TMEM39B: variants seen among roughly 807,000 people sequenced by gnomAD.
TMEM39B encodes transmembrane protein 39B.
A neutral mutation model predicts 52.2 loss-of-function variants in TMEM39B; 23 were observed. That is an observed-to-expected ratio of 0.44 (90% CI 0.32 to 0.62). The LOEUF (loss-of-function observed/expected upper bound fraction) is 0.62. Among genes scored for constraint, TMEM39B ranks in the 20% least tolerant of loss-of-function variants. TMEM39B has a pLI of 0.06. For synonymous variants in TMEM39B, 285 were observed against 264.0 expected, an observed-to-expected ratio of 1.08 and a Z score of -0.77; for missense variants, 547 against 642.0, an observed-to-expected ratio of 0.85 and a Z score of 1.60.
chr1:32,097,049 C>T (rs748898002), intron 7 of TMEM39B, among the ~76,000 whole-genome samples: 35 of 152,050 alleles, frequency 2.3e-4, no homozygotes, highest in Non-Finnish European at 4.3e-4. Flanking sequence ...GAGCGATCCA[C>T]CCACCTCGAC....
Position 32,102,566 on chromosome 1 carries a change from A to C in TMEM39B, c.1372A>C (p.Ser458Arg). The change falls in exon 9 of 9, where the codon AGC (serine) becomes CGC (arginine). Residue 458 changes from serine (S) to arginine (R), a missense_variant. Transcript: ENST00000336294. ...CATCTCGCTGGCCCTCATCCTCTTCAGCAACTACTATGCCTTCTTCAAGCT... is the reference window on the plus strand; with the variant it reads ...CATCTCGCTGGCCCTCATCCTCTTCCGCAACTACTATGCCTTCTTCAAGCT... ...QTISLALILFSNYYAFFKLLR... is the reference protein window; with the variant it reads ...QTISLALILFRNYYAFFKLLR... 1 of 1,614,082 alleles carries C rather than the reference A, an allele frequency of 6.2e-7. No homozygotes were observed. The highest frequency in any genetic ancestry group is 8.5e-7 in the Non-Finnish European group (1 of 1,180,018).
chr1:32,083,481 A>G (rs1196193494), intron 5 of TMEM39B, among the ~76,000 whole-genome samples: 1 of 121,584 alleles, frequency 8.2e-6, no homozygotes, highest in Non-Finnish European at 1.6e-5. Context: ...GGAGTGGAAT[A>G]GTGCAATCTT....
intron 6 of TMEM39B, among the ~76,000 whole-genome samples, chr1:32,093,288 G>A (rs1313637378): frequency 3.3e-5 from 5 of 151,780 alleles, no homozygotes; most frequent in East Asian, 1.9e-4. Context: ...TAGTAGAGAC[G>A]GGGTTTCATC....
intron 5 of TMEM39B, among the ~76,000 whole-genome samples, chr1:32,081,369 T>A (rs567909154): frequency 1.1e-4 from 16 of 151,806 alleles, no homozygotes; most frequent in South Asian, 6.3e-4. Context: ...CCTCCCAGGC[T>A]CAAGCCGTCC....
chr1:32,075,865 C>CGTGT (rs1324202548), intron 3 of TMEM39B, 43 bp downstream of exon 3: 9 of 828,354 alleles, frequency 1.1e-5, no homozygotes, highest in East Asian at 8.9e-5. Flanking sequence ...TGTGTGTGTG[C>CGTGT]GTGTGTGTGT....
chr1:32,084,051 A>G (rs1464602618), intron 5 of TMEM39B, among the ~76,000 whole-genome samples: 3 of 151,722 alleles, frequency 2.0e-5, no homozygotes, highest in African/African-American at 7.3e-5. Flanking sequence ...TTTTTCTTAC[A>G]TTCTATCAGT....
At chr1:32,102,311 C>G (rs1190528448) in intron 8 of TMEM39B, 120 bp from the exon 9 acceptor site, 4 of 1,367,918 alleles carry the variant, frequency 2.9e-6, no homozygotes, top group Middle Eastern at 2.5e-4. Flanking sequence ...TCTTCTTCCC[C>G]ACCCATGTCT....
At position 32,098,250 on chromosome 1, in the gene TMEM39B, C is replaced by T. The variant is rs574859669; in HGVS notation, c.1116-2192C>T. Among the ~76,000 whole-genome samples, 16 of 151,984 alleles carry T rather than the reference C, an allele frequency of 1.1e-4. No individual in the cohort carries two copies. The East Asian group carries it at 2.0e-3, about 19-fold the overall frequency. On this transcript the variant is annotated intron_variant, in intron 7 of 8. Transcript: ENST00000336294. ...TCCTGACCTCAGGTGATCTGCACAC[C>T]CTCGGCCTCCCCAAAGTGCTGGAAT...
intron 5 of TMEM39B, among the ~76,000 whole-genome samples, chr1:32,084,218 C>G (rs1640240429): frequency 6.6e-6 from 1 of 152,152 alleles, no homozygotes; most frequent in Non-Finnish European, 1.5e-5. Context: ...TATCCAGCCT[C>G]TCAGTCATAC....
rs1436621866 is a variant in TMEM39B, at chr1:32,075,759, C to T, written c.288C>T (p.Tyr96=). 2 of 1,550,852 alleles carry T rather than the reference C, an allele frequency of 1.3e-6. No homozygotes were observed. Among genetic ancestry groups the T allele is most frequent in the Non-Finnish European group, 1.7e-6 (2 of 1,146,514 alleles). The part of the protein sequence containing the change: ...FCQLIALFVH[Y]INIYKTVWWY... Reference sequence around the variant, plus strand: ...AGCTCATAGCACTCTTCGTCCACTACATCAACATCTACAAGACAGTGTGGT... The same window carrying T: ...AGCTCATAGCACTCTTCGTCCACTATATCAACATCTACAAGACAGTGTGGT... The change falls in exon 3 of 9, where the codon TAC becomes TAT. Residue 96 remains tyrosine, a synonymous_variant. Transcript: ENST00000336294.
chr1:32,072,552 G>C (rs1314245984), upstream of TMEM39B: 2 of 158,610 alleles, frequency 1.3e-5, no homozygotes, highest in East Asian at 3.7e-4. Flanking sequence ...AATGACTCCT[G>C]GATTTTGACT....
At chr1:32,089,468 A>G (rs1398572754) in intron 5 of TMEM39B, among the ~76,000 whole-genome samples, 1 of 151,720 alleles carries the variant, frequency 6.6e-6, no homozygotes, top group African/African-American at 2.4e-5. Context: ...GTTTGACCCT[A>G]AAGGTTGTGC....
chr1:32,100,386 G>T, intron 7 of TMEM39B, 56 bp from the exon 8 acceptor site: 1 of 1,506,300 alleles, frequency 6.6e-7, no homozygotes, highest in Non-Finnish European at 8.9e-7. Flanking sequence ...CATTCTTCTG[G>T]TATCCCTTTT....
rs764597386 is a variant in TMEM39B, at chr1:32,100,438, C to T, written c.1116-4C>T. On this transcript the variant is annotated splice_polypyrimidine_tract_variant and splice_region_variant and intron_variant, in intron 7 of 8. Coordinates refer to ENST00000336294, the MANE Select transcript of TMEM39B (RefSeq NM_018056.4). ...TAAGGGGCACCATTGAACTGTGCCC[C>T]CAGGTGGACTGAAGAATGCATGTGG... is the stretch of plus-strand genomic sequence containing the variant. The T allele has an allele frequency of 6.3e-7, 1 of 1,584,288 alleles. No individual in the cohort carries two copies. The highest frequency in any genetic ancestry group is 8.6e-7 in the Non-Finnish European group (1 of 1,165,452).
intron 5 of TMEM39B, among the ~76,000 whole-genome samples, chr1:32,083,994 G>GACACACACACACAC (rs59029097): frequency 6.6e-6 from 1 of 150,416 alleles, no homozygotes; most frequent in African/African-American, 2.4e-5. Flanking sequence ...CAGACACACA[G>GACACACACACACAC]ACACACACAC....
chr1:32,080,244 T>C (rs937140800), intron 5 of TMEM39B, among the ~76,000 whole-genome samples: 4 of 152,150 alleles, frequency 2.6e-5, no homozygotes, highest in African/African-American at 9.7e-5. Context: ...AATGAATAAT[T>C]GCATATGTGT....
At position 32,075,804 on chromosome 1, in the gene TMEM39B, A is replaced by T. The variant is rs1225448161; in HGVS notation, c.333A>T (p.Pro111=). The change falls in exon 3 of 9, where the codon CCA becomes CCT. Residue 111 remains proline, a synonymous_variant. Coordinates refer to ENST00000336294, the MANE Select transcript of TMEM39B (RefSeq NM_018056.4). ...TGTGGTGGTATCCACCTTCCCACCC[A>T]CCCTCCCACACCTCCCTGGTAGGTA... ...KTVWWYPPSH[P]PSHTSLNFHL... The T allele has an allele frequency of 6.8e-6, 9 of 1,323,042 alleles. No homozygotes were observed. In the African/African-American group the frequency reaches 1.4e-4, roughly 21 times the overall value. 82.0% of individuals were successfully genotyped at this position (1,323,042 alleles called of 1,614,324 possible).
At chr1:32,083,807 G>A (rs1344188482) in intron 5 of TMEM39B, among the ~76,000 whole-genome samples, 2 of 152,060 alleles carry the variant, frequency 1.3e-5, no homozygotes, top group African/African-American at 2.4e-5. Flanking sequence ...AGGCAGTGGT[G>A]CAATCTCAGT....
At position 32,079,352 on chromosome 1, in the gene TMEM39B, T is replaced by C. The variant is rs181309898; in HGVS notation, c.590+2034T>C. On this transcript the variant is annotated intron_variant, in intron 5 of 8. Transcript: ENST00000336294. ...GGCGCCTGCCACCACACCTAGCTAA[T>C]TTTTTGTATTTTTAGTAGAGACAGG... 2.5e-3 allele frequency among the ~76,000 whole-genome samples: 387 copies of C among 151,826 alleles called. 1 individual carries two copies. The highest frequency in any genetic ancestry group is 8.0e-3 in the African/African-American group (331 of 41,392).
Sources: allele counts gnomAD v4.1 joint callset (sites outside exome capture counted in the v4.1 genomes callset), GRCh38; gene constraint gnomAD v4.1.1; transcripts MANE v1.5; gene names NCBI Gene and HGNC (gene_info 2026-07-23, HGNC 2026-07-21).